RALGAPA2: variants seen among roughly 807,000 people sequenced by gnomAD.
The protein encoded by RALGAPA2 is ral GTPase-activating protein subunit alpha-2.
A neutral mutation model predicts 230.4 loss-of-function variants in RALGAPA2; 139 were observed. The observed-to-expected ratio is 0.60, with a 90% CI of 0.53 to 0.69. The LOEUF (loss-of-function observed/expected upper bound fraction) is 0.69. Ranked by LOEUF, RALGAPA2 falls within the 30% of genes least tolerant of loss-of-function variation. RALGAPA2 has a pLI of 0.00. For synonymous variants in RALGAPA2, 847 were observed against 837.8 expected (o/e 1.01, Z -0.19); for missense variants, 2,163 against 2,276.0 (o/e 0.95, Z 1.01).
intron 30 of RALGAPA2, among the ~76,000 whole-genome samples, chr20:20,523,282 A>G (rs577200898): frequency 6.6e-6 from 1 of 152,332 alleles, no homozygotes; most frequent in East Asian, 1.9e-4. Flanking sequence ...CCTAGTCATC[A>G]GTGTGTATGT....
rs16982028 is a variant in RALGAPA2 at position 20,608,352 on chromosome 20, T to C, written c.1801-2940A>G. Among the ~76,000 whole-genome samples the C allele has an allele frequency of 7.2e-3, 1,098 of 152,208 alleles. 10 individuals carry two copies. The highest frequency in any genetic ancestry group is 0.025 in the African/African-American group (1,054 of 41,522). On this transcript the variant is annotated intron_variant, in intron 14 of 39. Transcript: ENST00000202677. ...TACCATCAGAGCTTCAAGCATAAGGTCATATTTAGCACTGATAATAAATTA... is the reference window on the plus strand; with the variant it reads ...TACCATCAGAGCTTCAAGCATAAGGCCATATTTAGCACTGATAATAAATTA...
rs1255212548 is a variant in RALGAPA2, at chr20:20,428,069, AT to A, written c.5496-15922del. Among the ~76,000 whole-genome samples the A allele has an allele frequency of 2.6e-5, 4 of 152,354 alleles. 1 individual carries two copies. The highest frequency in any genetic ancestry group is 9.6e-5 in the African/African-American group (4 of 41,580). On this transcript the variant is annotated intron_variant, in intron 37 of 39. Transcript: ENST00000202677. ...AAAAATAAAATTTCAGAAAAAAATG[AT>A]GGGTGTTTATCTTAACTTTTTATGT... is the stretch of plus-strand genomic sequence containing the variant.
At chr20:20,677,228 C>T (rs1273734186) in intron 2 of RALGAPA2, among the ~76,000 whole-genome samples, 1 of 152,064 alleles carries the variant, frequency 6.6e-6, no homozygotes, top group Non-Finnish European at 1.5e-5. Flanking sequence ...GGAATGCAGA[C>T]ACAGAAGCCA....
rs2066292748 is a variant in RALGAPA2 at position 20,620,708 on chromosome 20, A to G, written c.1234-78T>C. ...TAGGGCAGCATCACGGACATTCCCA[A>G]TGAGCATCACCCATTTCACTTTCCT... On this transcript the variant is annotated intron_variant, in intron 10 of 39. Coordinates refer to ENST00000202677, the MANE Select transcript of RALGAPA2 (RefSeq NM_020343.4). 8 of 1,226,252 alleles carry G rather than the reference A, an allele frequency of 6.5e-6. No individual in the cohort carries two copies. In the East Asian group the frequency reaches 1.3e-4, roughly 20 times the overall value. The allele number at this position is 1,226,252 out of a possible 1,614,324, so 76.0% of individuals were successfully genotyped here. A position where few individuals can be genotyped will look rare whatever the true frequency, so the allele number is the denominator to read the frequency against.
At chr20:20,404,558 C>T (rs1043084546) in intron 38 of RALGAPA2, among the ~76,000 whole-genome samples, 1 of 152,168 alleles carries the variant, frequency 6.6e-6, no homozygotes, top group African/African-American at 2.4e-5. Context: ...GGGCCAGTCA[C>T]GATTCACAAG....
chr20:20,504,212 T>C (rs2123695879), intron 34 of RALGAPA2, among the ~76,000 whole-genome samples: 1 of 152,324 alleles, frequency 6.6e-6, no homozygotes, highest in African/African-American at 2.4e-5. Context: ...ATATATTAAA[T>C]AACAACTATA....
At chr20:20,513,425 T>C (rs767912872) in intron 31 of RALGAPA2, 141 bp from the exon 32 acceptor site, 1 of 579,604 alleles carries the variant, frequency 1.7e-6, no homozygotes, top group Non-Finnish European at 2.6e-6. Context: ...CACTTGGAAA[T>C]AGCAAGATAG....
chr20:20,458,736 C>CTA (rs1164364863), intron 37 of RALGAPA2, among the ~76,000 whole-genome samples: 643 of 15,412 alleles, frequency 0.042, 6 homozygotes, highest in Non-Finnish European at 0.062. Flanking sequence ...ATACACACAC[C>CTA]TATATATATA....
Position 20,637,492 on chromosome 20 carries a change from A to C in RALGAPA2, c.676T>G (p.Leu226Val). 6.4e-7 allele frequency: 1 copy of C among 1,564,916 alleles called. No individual in the cohort carries two copies. Among genetic ancestry groups the C allele is most frequent in the Non-Finnish European group, 8.7e-7 (1 of 1,153,592 alleles). ...LKYMVIQAAS[L>V]EWKNKENQDT... ...TGATTCTCCTTATTCTTCCACTCCA[A>C]GCTCGCAGCCTTTGGATAATATGTG... The change falls in exon 8 of 40, where the codon TTG (leucine) becomes GTG (valine). Residue 226 changes from leucine (L) to valine (V), a missense_variant. Leu to Val is a conservative substitution (Grantham distance 32). Coordinates refer to ENST00000202677, the MANE Select transcript of RALGAPA2 (RefSeq NM_020343.4).
intron 3 of RALGAPA2, among the ~76,000 whole-genome samples, 165 bp downstream of exon 3, chr20:20,676,071 T>C (rs563774478): frequency 1.3e-5 from 2 of 152,058 alleles, no homozygotes; most frequent in Non-Finnish European, 2.9e-5. Flanking sequence ...AGAAAATTAT[T>C]TGTAGCACAG....
intron 4 of RALGAPA2, among the ~76,000 whole-genome samples, chr20:20,650,478 G>T (rs546174409): frequency 6.6e-6 from 1 of 152,144 alleles, no homozygotes; most frequent in Non-Finnish European, 1.5e-5. Flanking sequence ...GAAGCATACC[G>T]CATCAGTGGT....
chr20:20,425,731 C>A (rs1045620614), intron 37 of RALGAPA2, among the ~76,000 whole-genome samples: 4 of 152,184 alleles, frequency 2.6e-5, no homozygotes, highest in Non-Finnish European at 4.4e-5. Context: ...CTGACCCACA[C>A]TTGAAACTCA....
Position 20,639,736 on chromosome 20 carries a change from C to T in RALGAPA2, c.666+49G>A, listed in dbSNP as rs145287779. ...GGGAAAAGAGGCAATATTTCCTCTT[C>T]CTGCTGAGAATAAACCCATCACTGA... is the stretch of plus-strand genomic sequence containing the variant. On this transcript the variant is annotated intron_variant, in intron 7 of 39. Coordinates refer to ENST00000202677, the MANE Select transcript of RALGAPA2 (RefSeq NM_020343.4). The T allele has an allele frequency of 1.6e-3, 2,106 of 1,276,952 alleles. 27 individuals carry two copies. In the African/African-American group the frequency reaches 0.027, roughly 17 times the overall value. 79.1% of individuals were successfully genotyped at this position (1,276,952 alleles called of 1,614,324 possible).
At chr20:20,632,976 TC>T (rs1352946660) in intron 9 of RALGAPA2, among the ~76,000 whole-genome samples, 1 of 151,882 alleles carries the variant, frequency 6.6e-6, no homozygotes, top group Non-Finnish European at 1.5e-5. Flanking sequence ...TTAAATAAAG[TC>T]AAACCTCATT....
chr20:20,573,611 C>A (rs1446433663), intron 20 of RALGAPA2, among the ~76,000 whole-genome samples: 1 of 152,196 alleles, frequency 6.6e-6, no homozygotes, highest in African/African-American at 2.4e-5. Flanking sequence ...TGGTCCCCTT[C>A]CTCTATTCTC....
chr20:20,627,800 T>C (rs1015716384), intron 10 of RALGAPA2, among the ~76,000 whole-genome samples: 10 of 152,220 alleles, frequency 6.6e-5, no homozygotes, highest in Admixed American at 5.9e-4. Flanking sequence ...ATTTGTTTAA[T>C]GAAATTAATG....
chr20:20,538,725 C>A lies in RALGAPA2; in HGVS notation c.3286-1941G>T, dbSNP rs538153121. Among the ~76,000 whole-genome samples the A allele has an allele frequency of 2.6e-5, 4 of 152,230 alleles. No individual in the cohort carries two copies. The South Asian group carries it at 8.3e-4, about 32-fold the overall frequency. ...GTTAGGAGAGAAAAGTCTGGGATAA[C>A]AATTCACATGTGTTCAGAGGAACTG... is the stretch of plus-strand genomic sequence containing the variant. On this transcript the variant is annotated intron_variant, in intron 24 of 39. Transcript: ENST00000202677.
intron 3 of RALGAPA2, among the ~76,000 whole-genome samples, chr20:20,662,668 A>G (rs552366810): frequency 7.2e-5 from 11 of 152,330 alleles, no homozygotes; most frequent in South Asian, 6.2e-4. Flanking sequence ...ATTAAAAAAT[A>G]GTCTTATTAA....
At chr20:20,508,406 T>C (rs145327145) in intron 33 of RALGAPA2, among the ~76,000 whole-genome samples, 7 of 152,336 alleles carry the variant, frequency 4.6e-5, no homozygotes, top group African/African-American at 1.7e-4. Flanking sequence ...TTATTAGGAA[T>C]AGACCAGAAT....
Sources: allele counts gnomAD v4.1 joint callset (sites outside exome capture counted in the v4.1 genomes callset), GRCh38; gene constraint gnomAD v4.1.1; transcripts MANE v1.5; gene names NCBI Gene and HGNC (gene_info 2026-07-23, HGNC 2026-07-21).